C6orf89: variants seen among roughly 807,000 people sequenced by gnomAD.
The protein encoded by C6orf89 is bombesin receptor-activated protein C6orf89.
C6orf89 carries 29 observed loss-of-function variants against 40.7 expected under a neutral mutation model. The ratio of observed to expected loss-of-function variants is 0.71; its 90% CI spans 0.53 to 0.97. The LOEUF is 0.97. Ranked by LOEUF, C6orf89 falls within the 50% of genes least tolerant of loss-of-function variation. The pLI is 0.00. For missense variants in C6orf89, 392 were observed against 429.1 expected (o/e 0.91, Z 0.76); for synonymous variants, 165 against 152.2 (o/e 1.08, Z -0.62).
chr6:36,910,198 G>A (rs1762075514), intron 4 of C6orf89, among the ~76,000 whole-genome samples: 1 of 151,956 alleles, frequency 6.6e-6, no homozygotes, highest in African/African-American at 2.4e-5. Context: ...GGGTTCAAGA[G>A]ATTATCCTGC....
intron 2 of C6orf89, chr6:36,879,226 C>T (rs1247119269): frequency 6.6e-6 from 1 of 152,126 alleles, no homozygotes; most frequent in Non-Finnish European, 1.5e-5. Context: ...GTGTTGAAAC[C>T]CCTAGTCAGA....
intron 6 of C6orf89, among the ~76,000 whole-genome samples, chr6:36,915,642 G>A (rs1762286878): frequency 6.6e-6 from 1 of 151,694 alleles, no homozygotes. Context: ...GGAGGTTGAA[G>A]CTGCAGTAAG....
At chr6:36,888,202 A>G (rs1007113337) in intron 1 of C6orf89, among the ~76,000 whole-genome samples, 1 of 152,238 alleles carries the variant, frequency 6.6e-6, no homozygotes, top group Non-Finnish European at 1.5e-5. Context: ...ATGGCCACAC[A>G]GTAAGTGGTA....
intron 1 of C6orf89, among the ~76,000 whole-genome samples, chr6:36,873,916 C>A (rs1445235641): frequency 6.6e-6 from 1 of 152,116 alleles, no homozygotes; most frequent in Admixed American, 6.5e-5. Flanking sequence ...AGCAGCAAGA[C>A]GTTATTAAAG....
Position 36,894,575 on chromosome 6 carries a change from C to G in C6orf89, c.-48C>G. On this transcript the variant is annotated 5_prime_UTR_variant, in exon 2 of 9. Coordinates refer to ENST00000480824, the MANE Select transcript of C6orf89 (RefSeq NM_001286635.2). ...GATCAAGGGACACGTGGTTTCCGAACTGCCAGCTCAGAATAGGAAAATAAC... is the reference window on the plus strand; with the variant it reads ...GATCAAGGGACACGTGGTTTCCGAAGTGCCAGCTCAGAATAGGAAAATAAC... 1.0e-6 allele frequency: 1 copy of G among 985,362 alleles called. No individual in the cohort carries two copies. The highest frequency in any genetic ancestry group is 1.2e-6 in the Non-Finnish European group (1 of 829,864). The allele number at this position is 985,362 out of a possible 1,614,324, so 61.0% of individuals were successfully genotyped here.
At position 36,902,234 on chromosome 6, in the gene C6orf89, T is replaced by G; in HGVS notation, c.203T>G (p.Leu68Trp). The G allele has an allele frequency of 6.2e-7, 1 of 1,614,166 alleles. No homozygotes were observed. Among genetic ancestry groups the G allele is most frequent in the South Asian group, 1.1e-5 (1 of 91,086 alleles). Residue 68 changes from leucine to tryptophan, a missense_variant, in exon 4 of 9, where the codon TTG (leucine) becomes TGG (tryptophan). Physicochemically the swap from Leu to Trp is moderately conservative, Grantham distance 61 (BLOSUM62 -2). Transcript: ENST00000480824. ...LIVVYKVLAT[L>W]GLILLTAYFV... ...CTTTCCTTGTAGGTTCTCGCAACCT[T>G]GGGATTAATCTTGCTCACTGCCTAC...
intron 4 of C6orf89, among the ~76,000 whole-genome samples, chr6:36,913,292 G>A (rs1189642632): frequency 6.6e-6 from 1 of 152,210 alleles, no homozygotes; most frequent in Non-Finnish European, 1.5e-5. Context: ...ACCAGCATGT[G>A]GGGCTGGAAA....
At chr6:36,901,720 G>T (rs1435631910) in intron 3 of C6orf89, among the ~76,000 whole-genome samples, 1 of 151,044 alleles carries the variant, frequency 6.6e-6, no homozygotes, top group Admixed American at 6.6e-5. Flanking sequence ...GCCCAGGCTG[G>T]AGTGCAGTGG....
At position 36,927,449 on chromosome 6, in the gene C6orf89, T is replaced by C. The variant is rs1762721272; in HGVS notation, c.*4008T>C. On this transcript the variant is annotated 3_prime_UTR_variant, in exon 9 of 9. Transcript: ENST00000480824. Reference sequence around the variant, plus strand: ...TAGGAGAAAGAGAGAGAAAGGCGCATGTCTGTTTGCACAGAGAGAGGCAAT... The same window carrying C: ...TAGGAGAAAGAGAGAGAAAGGCGCACGTCTGTTTGCACAGAGAGAGGCAAT... The C allele has an allele frequency of 6.6e-6, 1 of 152,212 alleles. No individual in the cohort carries two copies. Among genetic ancestry groups the C allele is most frequent in the African/African-American group, 2.4e-5 (1 of 41,458 alleles). The allele number at this position is 152,212 out of a possible 1,614,324, so 9.4% of individuals were successfully genotyped here.
At chr6:36,922,547 C>G (rs996682071) in intron 8 of C6orf89, among the ~76,000 whole-genome samples, 14 of 152,222 alleles carry the variant, frequency 9.2e-5, no homozygotes, top group African/African-American at 3.4e-4. Flanking sequence ...TTGAAAAGAC[C>G]CTTGGCAAGT....
At chr6:36,881,489 A>G (rs1381026853), upstream of C6orf89, among the ~76,000 whole-genome samples, 1 of 152,162 alleles carries the variant, frequency 6.6e-6, no homozygotes, top group African/African-American at 2.4e-5. Context: ...CCTGGCTAAC[A>G]TGGTGAAATG....
intron 2 of C6orf89, among the ~76,000 whole-genome samples, chr6:36,879,397 C>G (rs899407965): frequency 2.6e-5 from 4 of 152,066 alleles, no homozygotes; most frequent in Non-Finnish European, 5.9e-5. Flanking sequence ...TGCGGCTTGG[C>G]CCCCAGTGTG....
chr6:36,902,313 T>A lies in C6orf89; in HGVS notation c.282T>A (p.Ala94=), dbSNP rs1761755379. 3 of 1,614,074 alleles carry A rather than the reference T, an allele frequency of 1.9e-6. No homozygotes were observed. In the South Asian group the frequency reaches 3.3e-5, roughly 18 times the overall value. Residue 94 remains alanine (A), a synonymous_variant, in exon 4 of 9, where the codon GCT becomes GCA. Transcript: ENST00000480824. ...PLAPEPVLSG[A]HTWRSLIHHI... ...CACCTGAGCCAGTGCTTTCTGGAGC[T>A]CACACCTGGCGCTCACTCATCCATC...
chr6:36,873,302 CA>C (rs922671589), intron 1 of C6orf89, among the ~76,000 whole-genome samples: 7 of 149,462 alleles, frequency 4.7e-5, no homozygotes, highest in East Asian at 2.0e-4. Context: ...TTGTCATAGC[CA>C]AAAAAAAAGG....
chr6:36,922,015 G>A (rs1344977471), intron 8 of C6orf89, among the ~76,000 whole-genome samples: 4 of 152,046 alleles, frequency 2.6e-5, no homozygotes, highest in African/African-American at 4.8e-5. Context: ...GCAATGAAGC[G>A]AGACCCTGTC....
chr6:36,893,214 G>A (rs949066947), intron 1 of C6orf89, among the ~76,000 whole-genome samples: 4 of 148,910 alleles, frequency 2.7e-5, no homozygotes, highest in South Asian at 4.2e-4. Flanking sequence ...GATTACAGGC[G>A]TGAGCCACCG....
At chr6:36,891,033 T>C (rs1257556981) in intron 1 of C6orf89, among the ~76,000 whole-genome samples, 18 of 152,194 alleles carry the variant, frequency 1.2e-4, no homozygotes, top group Non-Finnish European at 2.9e-5. Flanking sequence ...TTAGGGTACA[T>C]GTGCACAACG....
At chr6:36,884,994 G>A (rs1774923833), upstream of C6orf89, among the ~76,000 whole-genome samples, 1 of 152,100 alleles carries the variant, frequency 6.6e-6, no homozygotes, top group Admixed American at 6.5e-5. This position sits in a 1 kb window ranked among gnomAD's most constrained non-coding sequence, Gnocchi z 4.0. Context: ...TTATGACAGC[G>A]ATAATAACAT....
intron 1 of C6orf89, among the ~76,000 whole-genome samples, 155 bp downstream of exon 1, chr6:36,886,183 G>C: frequency 6.6e-6 from 1 of 152,298 alleles, no homozygotes; most frequent in East Asian, 1.9e-4. Flanking sequence ...CAGTTTTGTA[G>C]ACTGACAGCA....
Sources: allele counts gnomAD v4.1 joint callset (sites outside exome capture counted in the v4.1 genomes callset), GRCh38; gene constraint gnomAD v4.1.1; non-coding constraint Gnocchi (gnomAD v3.1); transcripts MANE v1.5; gene names NCBI Gene and HGNC (gene_info 2026-07-23, HGNC 2026-07-21).